Variants in CNN3 observed in about 807,000 individuals in gnomAD.
CNN3 encodes calponin 3.
CNN3 carries 11 observed loss-of-function variants against 39.0 expected under a neutral mutation model. The observed-to-expected ratio is 0.28, with a 90% CI of 0.18 to 0.47. The LOEUF is 0.47. Among genes scored for constraint, CNN3 ranks in the 20% least tolerant of loss-of-function variants. The pLI is 0.99. For missense variants in CNN3, 266 were observed against 403.4 expected (o/e 0.66, Z 2.92); for synonymous variants, 101 against 138.3 (o/e 0.73, Z 1.89).
chr1:94,911,347 A>G (rs1471198309), intron 1 of CNN3, among the ~76,000 whole-genome samples: 3 of 152,224 alleles, frequency 2.0e-5, no homozygotes, highest in Non-Finnish European at 2.9e-5. Flanking sequence ...TCAGAGGTAC[A>G]ACTGTGTCTT....
chr1:94,920,761 G>A (rs1671421364), intron 1 of CNN3, among the ~76,000 whole-genome samples: 1 of 152,148 alleles, frequency 6.6e-6, no homozygotes, highest in Non-Finnish European at 1.5e-5. Context: ...GTATGGAGAA[G>A]TCTTCAAGTT....
intron 1 of CNN3, among the ~76,000 whole-genome samples, chr1:94,915,686 A>G (rs1392225493): frequency 6.6e-6 from 1 of 152,174 alleles, no homozygotes; most frequent in African/African-American, 2.4e-5. Flanking sequence ...TTCCAGATCA[A>G]GGGCCAATGG....
chr1:94,904,768 A>C (rs1014458426), intron 1 of CNN3, among the ~76,000 whole-genome samples: 41 of 151,444 alleles, frequency 2.7e-4, no homozygotes, highest in Admixed American at 1.2e-3. Context: ...CCAAAAAAAA[A>C]CCCACAGCTG....
intron 1 of CNN3, among the ~76,000 whole-genome samples, chr1:94,909,092 A>G (rs1040695548): frequency 1.3e-5 from 2 of 152,080 alleles, no homozygotes; most frequent in Non-Finnish European, 2.9e-5. Flanking sequence ...GGTTGCAGTG[A>G]CTGATAATCA....
At chr1:94,902,096 C>T (rs1301557153) in intron 4 of CNN3, 25 bp downstream of exon 4, 1 of 1,593,662 alleles carries the variant, frequency 6.3e-7, no homozygotes, top group Non-Finnish European at 8.6e-7. Flanking sequence ...AATCTGTTAA[C>T]CAGCCATTAA....
intron 6 of CNN3, among the ~76,000 whole-genome samples, chr1:94,898,980 C>T (rs1448298791): frequency 2.0e-5 from 3 of 151,932 alleles, no homozygotes; most frequent in Non-Finnish European, 4.4e-5. Context: ...TATATTGACA[C>T]ATCTAATAGG....
intron 1 of CNN3, among the ~76,000 whole-genome samples, chr1:94,914,129 TGC>T (rs553242682): frequency 4.4e-4 from 67 of 152,322 alleles, no homozygotes; most frequent in Admixed American, 7.8e-4. Flanking sequence ...ATCAGCTCTT[TGC>T]CACTCTCCAG....
rs759267023 is a variant in CNN3 at position 94,903,593 on chromosome 1, G to A, written c.58-69C>T. The A allele has an allele frequency of 7.5e-6, 12 of 1,595,496 alleles. No individual in the cohort carries two copies. In the South Asian group the frequency reaches 9.0e-5, roughly 12 times the overall value. ...ATCAGAAACTGCCGACTCACAACGC[G>A]CTCTGCTTTCACTAGCCATTAAGAC... is the stretch of plus-strand genomic sequence containing the variant. On this transcript the variant is annotated intron_variant, in intron 1 of 6. Coordinates refer to ENST00000370206, the MANE Select transcript of CNN3 (RefSeq NM_001839.5).
chr1:94,926,060 A>T lies in CNN3; in HGVS notation c.57+778T>A, dbSNP rs1180053557. Reference sequence around the variant, plus strand: ...CAAATCCCAATCGCTCCAAACTATAAGCCGCCTCAGCAAACAAGCCCCAAA... The same window carrying T: ...CAAATCCCAATCGCTCCAAACTATATGCCGCCTCAGCAAACAAGCCCCAAA... On this transcript the variant is annotated intron_variant, in intron 1 of 6. Transcript: ENST00000370206. The surrounding 1 kb of genome is among the most constrained non-coding windows in gnomAD (Gnocchi z 4.2). Among the ~76,000 whole-genome samples, 1 of 152,164 alleles carries T rather than the reference A, an allele frequency of 6.6e-6. No individual in the cohort carries two copies. Among genetic ancestry groups the T allele is most frequent in the East Asian group, 1.9e-4 (1 of 5,188 alleles).
intron 1 of CNN3, among the ~76,000 whole-genome samples, chr1:94,916,451 T>C (rs937996930): frequency 2.0e-5 from 3 of 152,008 alleles, no homozygotes; most frequent in African/African-American, 7.3e-5. Flanking sequence ...ACAAAACAGG[T>C]CATCAGTGAC....
chr1:94,926,689 G>C lies in CNN3; in HGVS notation c.57+149C>G. The C allele has an allele frequency of 2.3e-6, 2 of 859,584 alleles. No homozygotes were observed. The highest frequency in any genetic ancestry group is 3.6e-6 in the Non-Finnish European group (2 of 560,736). 53.2% of individuals were successfully genotyped at this position (859,584 alleles called of 1,614,324 possible). A position where few individuals can be genotyped will look rare whatever the true frequency, so the allele number is the denominator to read the frequency against. On this transcript the variant is annotated intron_variant, in intron 1 of 6. Coordinates refer to ENST00000370206, the MANE Select transcript of CNN3 (RefSeq NM_001839.5). This position sits in a 1 kb window ranked among gnomAD's most constrained non-coding sequence, Gnocchi z 4.2. ...GCAAGCCCGGGGACTGGACGCGACC[G>C]GGACAGGCAGAGACGCTCGCGCCGC...
intron 4 of CNN3, 40 bp downstream of exon 4, chr1:94,902,081 G>A: frequency 6.4e-7 from 1 of 1,552,748 alleles, no homozygotes; most frequent in Non-Finnish European, 8.9e-7. Context: ...CACCAATGTG[G>A]TGGGAATCTG....
At chr1:94,907,369 C>A (rs899276229) in intron 1 of CNN3, among the ~76,000 whole-genome samples, 1 of 152,146 alleles carries the variant, frequency 6.6e-6, no homozygotes, top group Non-Finnish European at 1.5e-5. Context: ...AATCAAGGAA[C>A]TGAGAGCAAT....
chr1:94,925,617 C>A (rs1272084618), intron 1 of CNN3: 2 of 985,418 alleles, frequency 2.0e-6, no homozygotes, highest in African/African-American at 3.5e-5. Flanking sequence ...GGTTTGACAA[C>A]GGTGCGCTTC....
Position 94,898,064 on chromosome 1 carries a change from C to G in CNN3, c.668G>C (p.Gly223Ala). 1.2e-6 allele frequency: 2 copies of G among 1,613,758 alleles called. No individual in the cohort carries two copies. Among genetic ancestry groups the G allele is most frequent in the Non-Finnish European group, 1.7e-6 (2 of 1,179,788 alleles). ...GASQAGMLAPGTRRDIYDQKL... is the reference protein window; with the variant it reads ...GASQAGMLAPATRRDIYDQKL... Reference sequence around the variant, plus strand: ...CTGATCATAGATGTCTCTTCTGGTACCTGGTGCTAACATCCCTGCCTGGTA... The same window carrying G: ...CTGATCATAGATGTCTCTTCTGGTAGCTGGTGCTAACATCCCTGCCTGGTA... The change falls in exon 7 of 7, where the codon GGT (glycine) becomes GCT (alanine). Residue 223 changes from glycine to alanine, a missense_variant. Transcript: ENST00000370206.
intron 4 of CNN3, 68 bp from the exon 5 acceptor site, chr1:94,901,853 G>A: frequency 3.5e-6 from 4 of 1,148,754 alleles, no homozygotes; most frequent in Non-Finnish European, 5.2e-6. Flanking sequence ...ACAAAGAAAT[G>A]ATATGTCCAT....
chr1:94,925,648 G>A, intron 1 of CNN3: 1 of 985,368 alleles, frequency 1.0e-6, no homozygotes, highest in South Asian at 4.7e-5. Flanking sequence ...TACATAATTC[G>A]CTTCACACCG....
At chr1:94,912,590 T>C (rs1035592344) in intron 1 of CNN3, among the ~76,000 whole-genome samples, 5 of 152,148 alleles carry the variant, frequency 3.3e-5, no homozygotes, top group African/African-American at 4.8e-5. Flanking sequence ...GTCCCCTCCT[T>C]GAGGGGAGGT....
At position 94,897,659 on chromosome 1, in the gene CNN3, A is replaced by T; in HGVS notation, c.*83T>A. On this transcript the variant is annotated 3_prime_UTR_variant, in exon 7 of 7. Coordinates refer to ENST00000370206, the MANE Select transcript of CNN3 (RefSeq NM_001839.5). ...ATAAGCTTAATAGTGTTTTAGGAAG[A>T]CAAGATAAAAATTACTCAAGGCTAG... The T allele has an allele frequency of 7.9e-7, 1 of 1,262,862 alleles. No individual in the cohort carries two copies. The highest frequency in any genetic ancestry group is 1.1e-6 in the Non-Finnish European group (1 of 896,840). The allele number at this position is 1,262,862 out of a possible 1,614,324, so 78.2% of individuals were successfully genotyped here. A position where few individuals can be genotyped will look rare whatever the true frequency, so the allele number is the denominator to read the frequency against.
Sources: allele counts gnomAD v4.1 joint callset (sites outside exome capture counted in the v4.1 genomes callset), GRCh38; gene constraint gnomAD v4.1.1; non-coding constraint Gnocchi (gnomAD v3.1); transcripts MANE v1.5; gene names NCBI Gene and HGNC (gene_info 2026-07-23, HGNC 2026-07-21).